Variants in SOX5 observed in about 807,000 individuals in gnomAD.
SOX5 encodes the protein SRY-box transcription factor 5.
In SOX5, 9 loss-of-function variants were observed where a neutral mutation model predicts 92.0. The ratio of observed to expected loss-of-function variants is 0.10; its 90% CI spans 0.06 to 0.17. SOX5 has a LOEUF of 0.17. Ranked by LOEUF, SOX5 falls within the 10% of genes least tolerant of loss-of-function variation. SOX5 has a pLI of 1.00. For missense variants in SOX5, 642 were observed against 944.5 expected, an observed-to-expected ratio of 0.68 and a Z score of 4.20; for synonymous variants, 344 against 336.3, an observed-to-expected ratio of 1.02 and a Z score of -0.25.
chr12:23,556,992 A>G (rs879342874), intron 11 of SOX5, among the ~76,000 whole-genome samples: 5 of 152,248 alleles, frequency 3.3e-5, no homozygotes, highest in Non-Finnish European at 5.9e-5. Context: ...TGCCATTTGT[A>G]ACTAATGCTG....
At chr12:24,479,317 T>A (rs1185677825) in intron 1 of SOX5, among the ~76,000 whole-genome samples, 2 of 152,258 alleles carry the variant, frequency 1.3e-5, no homozygotes, top group Non-Finnish European at 2.9e-5. Context: ...TGTCATTTTC[T>A]ACTCCGCGTA....
chr12:23,598,724 T>C (rs1436527612), intron 9 of SOX5, among the ~76,000 whole-genome samples: 2 of 152,092 alleles, frequency 1.3e-5, no homozygotes, highest in Non-Finnish European at 2.9e-5. Flanking sequence ...CTTTAACAGA[T>C]GTTTTTTGTC....
intron 4 of SOX5, among the ~76,000 whole-genome samples, chr12:23,989,742 GCAA>G (rs1017347704): frequency 1.1e-4 from 16 of 152,086 alleles, no homozygotes; most frequent in Non-Finnish European, 1.2e-4. Flanking sequence ...CAGGCAGTCT[GCAA>G]CACTTAAGAG....
chr12:24,322,344 T>TA (rs1565902217), intron 2 of SOX5, among the ~76,000 whole-genome samples: 1 of 151,998 alleles, frequency 6.6e-6, no homozygotes, highest in African/African-American at 2.4e-5. Context: ...GATGACAAGC[T>TA]AAAAAAATCA....
At chr12:24,404,684 C>G (rs555285763) in intron 1 of SOX5, among the ~76,000 whole-genome samples, 3 of 152,178 alleles carry the variant, frequency 2.0e-5, no homozygotes, top group Non-Finnish European at 4.4e-5. Context: ...CAGAGTCACA[C>G]AGTCATGGAG....
intron 6 of SOX5, among the ~76,000 whole-genome samples, chr12:23,688,962 A>G (rs1057030644): frequency 6.6e-6 from 1 of 152,128 alleles, no homozygotes; most frequent in South Asian, 2.1e-4. Context: ...AACTTTTCCC[A>G]TCAATTCCAA....
chr12:23,676,777 A>G (rs980193253), intron 6 of SOX5, among the ~76,000 whole-genome samples: 2 of 152,168 alleles, frequency 1.3e-5, no homozygotes, highest in Admixed American at 1.3e-4. Context: ...AGATGCGGAA[A>G]AACCTAAGTT....
At chr12:23,755,899 G>C (rs187585822) in intron 3 of SOX5, among the ~76,000 whole-genome samples, 175 bp from the exon 4 acceptor site, 793 of 151,868 alleles carry the variant, frequency 5.2e-3, no homozygotes, top group South Asian at 0.011. Context: ...GTCACCTGCT[G>C]TTTCAAAATC....
chr12:23,845,799 A>G (rs2096568552), intron 3 of SOX5, among the ~76,000 whole-genome samples, 184 bp downstream of exon 3: 1 of 152,208 alleles, frequency 6.6e-6, no homozygotes, highest in Non-Finnish European at 1.5e-5. Flanking sequence ...AATGATTTAA[A>G]AAATTGAGAT....
intron 4 of SOX5, among the ~76,000 whole-genome samples, chr12:24,031,411 G>A (rs1955496418): frequency 6.6e-6 from 1 of 151,586 alleles, no homozygotes; most frequent in African/African-American, 2.4e-5. Flanking sequence ...AACATAAATG[G>A]ACCTGGAGGA....
intron 1 of SOX5, among the ~76,000 whole-genome samples, chr12:24,379,187 G>A (rs1227314699): frequency 6.6e-6 from 1 of 152,204 alleles, no homozygotes; most frequent in Non-Finnish European, 1.5e-5. Flanking sequence ...CTCTTAATGA[G>A]AGCCCCCTTT....
rs372411746 is a variant in SOX5 at position 23,825,546 on chromosome 12, T to C, written c.481+20437A>G. Among the ~76,000 whole-genome samples, 237 of 152,326 alleles carry C rather than the reference T, an allele frequency of 1.6e-3. 8 individuals carry two copies. In the South Asian group the frequency reaches 0.048, roughly 31 times the overall value. On this transcript the variant is annotated intron_variant, in intron 3 of 14. Transcript: ENST00000451604. ...CCATCTTGCCCGGGGGCCCCTATTA[T>C]TTTTATTTTATATGTATGTGTTTGT...
intron 10 of SOX5, among the ~76,000 whole-genome samples, chr12:23,564,000 A>ATAGT (rs1357869339): frequency 6.6e-6 from 1 of 152,176 alleles, no homozygotes; most frequent in Admixed American, 6.5e-5. Flanking sequence ...CAAACTTGTA[A>ATAGT]TAGTTAGGCT....
chr12:23,810,163 C>T (rs1254987212), intron 3 of SOX5, among the ~76,000 whole-genome samples: 4 of 152,084 alleles, frequency 2.6e-5, no homozygotes, highest in African/African-American at 7.2e-5. Context: ...TATGATATCT[C>T]GCCTTTTTAT....
chr12:24,068,747 T>TAC (rs147957201), intron 4 of SOX5, among the ~76,000 whole-genome samples: 981 of 71,182 alleles, frequency 0.014, 18 homozygotes, highest in Middle Eastern at 0.024. Context: ...TATATATATA[T>TAC]ACACACACAC....
At chr12:23,669,220 A>G (rs1284250012) in intron 6 of SOX5, among the ~76,000 whole-genome samples, 2 of 152,170 alleles carry the variant, frequency 1.3e-5, no homozygotes, top group African/African-American at 4.8e-5. Context: ...TGTATAGGAT[A>G]CTATGGAAGT....
chr12:24,302,412 C>T (rs78988831), intron 2 of SOX5, among the ~76,000 whole-genome samples: 5,962 of 152,236 alleles, frequency 0.039, 395 homozygotes, highest in African/African-American at 0.14. Context: ...AAGTACTTTT[C>T]ACTATAATTC....
chr12:24,485,589 T>A (rs895955319), intron 1 of SOX5, among the ~76,000 whole-genome samples: 2 of 152,122 alleles, frequency 1.3e-5, no homozygotes, highest in Admixed American at 1.3e-4. Flanking sequence ...CAAGTACCCT[T>A]CCCATTTGTT....
intron 8 of SOX5, among the ~76,000 whole-genome samples, chr12:23,617,491 G>A (rs1592625423): frequency 6.6e-6 from 1 of 152,082 alleles, no homozygotes; most frequent in East Asian, 1.9e-4. Flanking sequence ...ATAATACATA[G>A]ACAATCTTGA....
Sources: gnomAD v4.1 joint callset for allele counts (sites outside exome capture counted in the v4.1 genomes callset) on GRCh38, gnomAD v4.1.1 for gene constraint, MANE v1.5 for transcripts, NCBI Gene and HGNC (gene_info 2026-07-23, HGNC 2026-07-21) for gene names.